MAPK12: variants seen among roughly 807,000 people sequenced by gnomAD.
MAPK12 encodes MAP kinase 12.
MAPK12 carries 49 observed loss-of-function variants against 49.1 expected under a neutral mutation model. That is an observed-to-expected ratio of 1.00 (90% CI 0.79 to 1.27). The LOEUF (loss-of-function observed/expected upper bound fraction) is 1.27. Ranked by LOEUF, MAPK12 falls within the 50% of genes most tolerant of loss-of-function variation. The pLI is 0.00. For synonymous variants in MAPK12, 251 were observed against 209.7 expected (o/e 1.20, Z -1.70); for missense variants, 554 against 502.4 (o/e 1.10, Z -0.98).
Position 50,255,486 on chromosome 22 carries a change from A to G in MAPK12, c.817T>C (p.Phe273Leu), listed in dbSNP as rs780659710. ...CTTGCATTGGTCAGGATAGAGGCAA[A>G]ATCCTTCTTCTCCAATTCGGGGAGG... ...KGLPELEKKD[F>L]ASILTNASPL... Residue 273 changes from phenylalanine (F) to leucine (L), a missense_variant, in exon 10 of 12, where the codon TTT (phenylalanine) becomes CTT (leucine). Phe to Leu is a conservative substitution (Grantham distance 22, BLOSUM62 0). Coordinates refer to ENST00000215659, the MANE Select transcript of MAPK12 (RefSeq NM_002969.6). 1 of 1,613,072 alleles carries G rather than the reference A, an allele frequency of 6.2e-7. No individual in the cohort carries two copies. Among genetic ancestry groups the G allele is most frequent in the Non-Finnish European group, 8.5e-7 (1 of 1,179,972 alleles).
chr22:50,258,231 G>A lies in MAPK12; in HGVS notation c.314+12C>T, dbSNP rs375759909. ...CCCTCGTGCCCAGCGGCCAGCCCAG[G>A]TCGGCACTCACAAGTCCGTGAAGTC... On this transcript the variant is annotated intron_variant, in intron 3 of 11. Coordinates refer to ENST00000215659, the MANE Select transcript of MAPK12 (RefSeq NM_002969.6). 18 of 1,612,982 alleles carry A rather than the reference G, an allele frequency of 1.1e-5. No individual in the cohort carries two copies. The highest frequency in any genetic ancestry group is 1.7e-4 in the Middle Eastern group (1 of 6,060).
At position 50,261,153 on chromosome 22, in the gene MAPK12, G is replaced by A; in HGVS notation, c.255+14C>T. On this transcript the variant is annotated intron_variant, in intron 2 of 11. Coordinates refer to ENST00000215659, the MANE Select transcript of MAPK12 (RefSeq NM_002969.6). ...GGCCGCGGCGCCTTCCCGGAGCGGG[G>A]CCGCGCGACTCACGTTCTCGTGGCG... is the stretch of plus-strand genomic sequence containing the variant. 1 of 1,574,370 alleles carries A rather than the reference G, an allele frequency of 6.4e-7. No individual in the cohort carries two copies. The highest frequency in any genetic ancestry group is 8.6e-7 in the Non-Finnish European group (1 of 1,160,074).
rs552533135 is a variant in MAPK12, at chr22:50,253,182, C to G, written c.*219G>C. 7 of 585,940 alleles carry G rather than the reference C, an allele frequency of 1.2e-5. No homozygotes were observed. Among genetic ancestry groups the G allele is most frequent in the Non-Finnish European group, 2.2e-5 (7 of 323,608 alleles). The allele number at this position is 585,940 out of a possible 1,614,324, so 36.3% of individuals were successfully genotyped here. ...CAGGGATCAGAGGCCATCCCCAGGT[C>G]GGCCAGAGGTCTTGTCCAGAAAGTT... is the stretch of plus-strand genomic sequence containing the variant. On this transcript the variant is annotated 3_prime_UTR_variant, in exon 12 of 12. Coordinates refer to ENST00000215659, the MANE Select transcript of MAPK12 (RefSeq NM_002969.6).
intron 11 of MAPK12, 22 bp from the exon 12 acceptor site, chr22:50,253,502 G>GGGGGGGGGCCCCCCCCCCCCCC: frequency 1.2e-5 from 2 of 171,644 alleles, no homozygotes; most frequent in South Asian, 4.5e-5. Context: ...GGGGGGGCGG[G>GGGGGGGGGCCCCCCCCCCCCCC]CACAACAGAG....
chr22:50,257,264 C>A, intron 3 of MAPK12, 71 bp from the exon 4 acceptor site: 1 of 1,282,896 alleles, frequency 7.8e-7, no homozygotes, highest in Admixed American at 1.8e-5. Context: ...ACCCAGCAGG[C>A]CCAGGCTCAG....
In MAPK12 at chr22:50,253,338, A is replaced by C. The variant is rs1005553253; in HGVS notation, c.*63T>G. The C allele has an allele frequency of 6.4e-6, 8 of 1,242,764 alleles. No homozygotes were observed. Among genetic ancestry groups the C allele is most frequent in the Non-Finnish European group, 9.2e-6 (8 of 866,344 alleles). The allele number at this position is 1,242,764 out of a possible 1,614,324, so 77.0% of individuals were successfully genotyped here. On this transcript the variant is annotated 3_prime_UTR_variant, in exon 12 of 12. Transcript: ENST00000215659. ...CCCAGCCAAGGTCAAGGTGGCAACGAGAGTCCCCTCTCAGGTGGAAGGTGA... is the reference window on the plus strand; with the variant it reads ...CCCAGCCAAGGTCAAGGTGGCAACGCGAGTCCCCTCTCAGGTGGAAGGTGA...
At chr22:50,256,508 G>A in intron 6 of MAPK12, 91 bp downstream of exon 6, 1 of 1,492,522 alleles carries the variant, frequency 6.7e-7, no homozygotes, top group South Asian at 1.3e-5. Context: ...TGGGACCTTG[G>A]CCCCCTGCCC....
rs997130920 is a variant in MAPK12, at chr22:50,253,299, C to T, written c.*102G>A. 17 of 858,808 alleles carry T rather than the reference C, an allele frequency of 2.0e-5. No individual in the cohort carries two copies. Among genetic ancestry groups the T allele is most frequent in the Non-Finnish European group, 2.7e-5 (14 of 515,902 alleles). 53.2% of individuals were successfully genotyped at this position (858,808 alleles called of 1,614,324 possible). On this transcript the variant is annotated 3_prime_UTR_variant, in exon 12 of 12. Transcript: ENST00000215659. ...CCCGGGCGTCTGCTCTGATGGATGC[C>T]TTGGGATGCAAGCCCCAGCCAAGGT...
chr22:50,258,876 CAT>C (rs2065180031), intron 2 of MAPK12, among the ~76,000 whole-genome samples: 2 of 152,230 alleles, frequency 1.3e-5, no homozygotes, highest in Admixed American at 6.5e-5. Flanking sequence ...GGCAGGTAGA[CAT>C]GTGGGCTGCG....
At position 50,253,480 on chromosome 22, in the gene MAPK12, C is replaced by T. The variant is rs1206908988; in HGVS notation, c.1025G>A (p.Arg342His). 4 of 283,320 alleles carry T rather than the reference C, an allele frequency of 1.4e-5. No homozygotes were observed. The highest frequency in any genetic ancestry group is 1.6e-5 in the Non-Finnish European group (3 of 184,890). 17.6% of individuals were successfully genotyped at this position (283,320 alleles called of 1,614,324 possible). ...DVDRTLDEWK[R>H]VTYKEVLSFK... ...GCTGAGCACCTCTTTGTAAGTAACA[C>T]CTGGCGGGGGTGGGGGGGCGGGCAC... The change falls in exon 12 of 12, where the codon CGT becomes CAT. Residue 342 changes from arginine (R) to histidine (H), a missense_variant and splice_region_variant. Coordinates refer to ENST00000215659, the MANE Select transcript of MAPK12 (RefSeq NM_002969.6).
intron 5 of MAPK12, 91 bp from the exon 6 acceptor site, chr22:50,256,737 C>T (rs1190736393): frequency 1.1e-5 from 17 of 1,531,244 alleles, no homozygotes; most frequent in South Asian, 5.1e-5. Flanking sequence ...ATGGGGCCAC[C>T]GGACCTGGCC....
intron 11 of MAPK12, 21 bp from the exon 12 acceptor site, chr22:50,253,501 G>GGGGGGGGT: frequency 2.8e-6 from 1 of 354,170 alleles, no homozygotes; most frequent in Admixed American, 4.2e-5. Context: ...TGGGGGGGCG[G>GGGGGGGGT]GCACAACAGA....
chr22:50,260,905 T>G (rs987731220), intron 2 of MAPK12: 1 of 344,092 alleles, frequency 2.9e-6, no homozygotes, highest in Non-Finnish European at 5.4e-6. Context: ...TCGTGTTCCC[T>G]GACCAGGGCC....
intron 11 of MAPK12, 22 bp from the exon 12 acceptor site, chr22:50,253,502 G>GGGGAGCC: frequency 5.8e-6 from 1 of 171,686 alleles, no homozygotes; most frequent in Non-Finnish European, 1.1e-5. Flanking sequence ...GGGGGGGCGG[G>GGGGAGCC]CACAACAGAG....
chr22:50,260,223 GGGACGGGGCACTTTGCTGGT>G (rs148995310), intron 2 of MAPK12, among the ~76,000 whole-genome samples: 99,287 of 149,644 alleles, frequency 0.66, 32,999 homozygotes, highest in Middle Eastern at 0.74. Context: ...CAGGAACCGG[GGGACGGGGCACTTTGCTGGT>G]GGACGGGGCA....
intron 2 of MAPK12, among the ~76,000 whole-genome samples, chr22:50,260,535 G>C (rs897774240): frequency 1.3e-5 from 2 of 152,176 alleles, no homozygotes; most frequent in African/African-American, 2.4e-5. Flanking sequence ...CATCTCACTG[G>C]AAGGACTGGA....
rs2065211060 is a variant in MAPK12, at chr22:50,261,305, C to A, written c.126-9G>T. 3 of 1,424,916 alleles carry A rather than the reference C, an allele frequency of 2.1e-6. No individual in the cohort carries two copies. Among genetic ancestry groups the A allele is most frequent in the Non-Finnish European group, 2.8e-6 (3 of 1,077,556 alleles). 88.3% of individuals were successfully genotyped at this position (1,424,916 alleles called of 1,614,324 possible). A position where few individuals can be genotyped will look rare whatever the true frequency, so the allele number is the denominator to read the frequency against. ...GGCCGTCCACGGCCGAGCTGCGGGG[C>A]GGACCGCTTAGCGGGAAGGCCGGGC... is the stretch of plus-strand genomic sequence containing the variant. On this transcript the variant is annotated splice_polypyrimidine_tract_variant and intron_variant, in intron 1 of 11. Coordinates refer to ENST00000215659, the MANE Select transcript of MAPK12 (RefSeq NM_002969.6).
intron 10 of MAPK12, 26 bp downstream of exon 10, chr22:50,255,427 G>A (rs899232739): frequency 6.2e-7 from 1 of 1,612,756 alleles, no homozygotes. Flanking sequence ...CCAGCACCCG[G>A]TGGCCCCCAC....
Position 50,261,443 on chromosome 22 carries a change from C to T in MAPK12, c.67G>A (p.Val23Met). ...RQEVTKTAWE[V>M]RAVYRDLQPV... ...TGCAGGTCCCGGTACACGGCGCGCA[C>T]CTCCCAGGCCGTCTTGGTCACCTCC... Residue 23 changes from valine (V) to methionine (M), a missense_variant, in exon 1 of 12, where the codon GTG becomes ATG. By Grantham distance (21) the Val-to-Met change is conservative. Transcript: ENST00000215659. The T allele has an allele frequency of 1.6e-6, 2 of 1,278,590 alleles. No homozygotes were observed. Among genetic ancestry groups the T allele is most frequent in the South Asian group, 1.6e-5 (1 of 62,138 alleles). 79.2% of individuals were successfully genotyped at this position (1,278,590 alleles called of 1,614,324 possible).
Sources: gnomAD v4.1 joint callset for allele counts (sites outside exome capture counted in the v4.1 genomes callset) on GRCh38, gnomAD v4.1.1 for gene constraint, MANE v1.5 for transcripts, NCBI Gene and HGNC (gene_info 2026-07-23, HGNC 2026-07-21) for gene names.